Variants in SLC37A1 observed in about 807,000 individuals in gnomAD.
SLC37A1 encodes solute carrier family 37 member 1.
SLC37A1 carries 49 observed loss-of-function variants against 75.3 expected under a neutral mutation model. That is an observed-to-expected ratio of 0.65 (90% confidence interval 0.52 to 0.83). SLC37A1 has a LOEUF of 0.83. Ranked by LOEUF, SLC37A1 falls within the 40% of genes least tolerant of loss-of-function variation. SLC37A1 has a pLI of 0.00. For synonymous variants in SLC37A1, 268 were observed against 292.1 expected, an observed-to-expected ratio of 0.92 and a Z score of 0.84; for missense variants, 566 against 695.0, an observed-to-expected ratio of 0.81 and a Z score of 2.09.
intron 18 of SLC37A1, among the ~76,000 whole-genome samples, 171 bp from the exon 19 acceptor site, chr21:42,579,565 G>A (rs142980257): frequency 7.8e-3 from 171 of 21,866 alleles, no homozygotes; most frequent in Non-Finnish European, 0.016. Flanking sequence ...CCAGGCCTCC[G>A]GCTGAGCATG....
chr21:42,567,137 T>G (rs919326606), intron 16 of SLC37A1, 79 bp downstream of exon 16: 17 of 1,493,588 alleles, frequency 1.1e-5, no homozygotes, highest in Non-Finnish European at 1.5e-5. Flanking sequence ...CCTCCATTAC[T>G]GTTAGTAAAA....
At chr21:42,532,765 A>G (rs571923404) in intron 3 of SLC37A1, among the ~76,000 whole-genome samples, 5 of 152,252 alleles carry the variant, frequency 3.3e-5, no homozygotes, top group African/African-American at 1.2e-4. Flanking sequence ...TGGGGAGCAA[A>G]TGAAAGCACT....
rs145665370 is a variant in SLC37A1 at position 42,525,952 on chromosome 21, T to A, written c.138+95T>A. The stretch of plus-strand genomic sequence containing the variant: ...GAGGATGGGGATGGTAGCAGGTACA[T>A]GGGGAAACAGATTATGTAGAAACAA... On this transcript the variant is annotated intron_variant, in intron 3 of 19. Transcript: ENST00000352133. The A allele has an allele frequency of 1.7e-3, 1,437 of 845,916 alleles. 11 individuals carry two copies. The African/African-American group carries it at 0.017, about 10-fold the overall frequency. The allele number at this position is 845,916 out of a possible 1,614,324, so 52.4% of individuals were successfully genotyped here. A position where few individuals can be genotyped will look rare whatever the true frequency, so the allele number is the denominator to read the frequency against.
intron 2 of SLC37A1, among the ~76,000 whole-genome samples, chr21:42,506,483 A>C (rs1159919945): frequency 1.3e-5 from 2 of 152,234 alleles, no homozygotes; most frequent in Non-Finnish European, 2.9e-5. Context: ...ACTAATTCAC[A>C]GTTCCTAAAG....
intron 16 of SLC37A1, 89 bp from the exon 17 acceptor site, chr21:42,568,271 G>T: frequency 1.0e-6 from 1 of 998,406 alleles, no homozygotes; most frequent in South Asian, 1.4e-5. Context: ...TTGTTTTGCA[G>T]AGCAGTTTGA....
At chr21:42,539,899 A>G (rs228065) in intron 6 of SLC37A1, among the ~76,000 whole-genome samples, 152,330 of 152,330 alleles carry the variant, frequency 1, 76,165 homozygotes, top group Non-Finnish European at 1. Flanking sequence ...CCGGCAGGGA[A>G]ACTGACATGC....
intron 11 of SLC37A1, chr21:42,561,815 A>C: frequency 2.3e-6 from 1 of 437,032 alleles, no homozygotes; most frequent in Non-Finnish European, 4.1e-6. Context: ...GTGGCCGAGG[A>C]GCTGCAGCTG....
In SLC37A1 at chr21:42,545,035, G is replaced by A. The variant is rs76625269; in HGVS notation, c.730+1433G>A. Reference sequence around the variant, plus strand: ...CTCAATGGCCGGGACCTCAGCACCCGCTCCAGGCATTCACGGCCCTATGTT... The same window carrying A: ...CTCAATGGCCGGGACCTCAGCACCCACTCCAGGCATTCACGGCCCTATGTT... On this transcript the variant is annotated intron_variant, in intron 8 of 19. Coordinates refer to ENST00000352133, the MANE Select transcript of SLC37A1 (RefSeq NM_001320537.2). This position sits in a 1 kb window ranked among gnomAD's most constrained non-coding sequence, Gnocchi z 4.0. 0.015 allele frequency among the ~76,000 whole-genome samples: 2,360 copies of A among 152,282 alleles called. 58 individuals carry two copies. Among genetic ancestry groups the A allele is most frequent in the African/African-American group, 0.053 (2,213 of 41,552 alleles).
rs879093836 is a variant in SLC37A1 at position 42,564,757 on chromosome 21, C to T, written c.1185C>T (p.Ser395=). The part of the protein sequence containing the change: ...VISDRLEKRA[S]TCGLMLLLAA... ...CAGACCGACTGGAGAAAAGGGCCTCCACCTGCGGCCTGATGCTGCTGCTCG... is the reference window on the plus strand; with the variant it reads ...CAGACCGACTGGAGAAAAGGGCCTCTACCTGCGGCCTGATGCTGCTGCTCG... Residue 395 remains serine, a synonymous_variant, in exon 14 of 20, where the codon TCC becomes TCT. Transcript: ENST00000352133. The T allele has an allele frequency of 4.4e-6, 7 of 1,609,156 alleles. No individual in the cohort carries two copies. The South Asian group carries it at 5.5e-5, about 13-fold the overall frequency.
chr21:42,565,341 C>T (rs927306278), intron 14 of SLC37A1, among the ~76,000 whole-genome samples: 8 of 152,270 alleles, frequency 5.3e-5, no homozygotes, highest in African/African-American at 1.2e-4. Flanking sequence ...TAGCTCTGCG[C>T]GTCTGCCCCT....
chr21:42,531,714 A>C (rs1433617121), intron 3 of SLC37A1, among the ~76,000 whole-genome samples: 1 of 148,758 alleles, frequency 6.7e-6, no homozygotes, highest in African/African-American at 2.5e-5. Flanking sequence ...ATCTTAACCT[A>C]ATTAAGTTTG....
Position 42,579,037 on chromosome 21 carries a change from T to C in SLC37A1, c.1522-699T>C, listed in dbSNP as rs1220980123. On this transcript the variant is annotated intron_variant, in intron 18 of 19. Transcript: ENST00000352133. The stretch of plus-strand genomic sequence containing the variant: ...ATGTCCCACTTGGGGAGAGACTGGA[T>C]CCACACTGGAAAATGCACTAGTTAA... Among the ~76,000 whole-genome samples the C allele has an allele frequency of 3.3e-5, 5 of 152,330 alleles. No homozygotes were observed. The East Asian group carries it at 9.6e-4, about 29-fold the overall frequency.
chr21:42,510,607 G>A (rs1235691591), upstream of SLC37A1, among the ~76,000 whole-genome samples: 1 of 151,872 alleles, frequency 6.6e-6, no homozygotes, highest in East Asian at 1.9e-4. Context: ...AAAAAATCTA[G>A]GTGCTGCCTG....
intron 18 of SLC37A1, chr21:42,575,559 T>C (rs2056288695): frequency 1.0e-6 from 1 of 985,288 alleles, no homozygotes. Context: ...AGACCAGTGA[T>C]GATGTCACAG....
At chr21:42,580,053 G>GC (rs1226594062) in intron 19 of SLC37A1, among the ~76,000 whole-genome samples, 1 of 152,056 alleles carries the variant, frequency 6.6e-6, no homozygotes, top group African/African-American at 2.4e-5. Context: ...TGGAGCTGCA[G>GC]CCCCCCGAGC....
chr21:42,501,874 G>A (rs1214336159), intron 1 of SLC37A1, among the ~76,000 whole-genome samples: 1 of 152,154 alleles, frequency 6.6e-6, no homozygotes, highest in Non-Finnish European at 1.5e-5. Context: ...CAGTTGTGGT[G>A]GGAGATCCTG....
At chr21:42,542,625 A>C in intron 7 of SLC37A1, 145 bp downstream of exon 7, 3 of 784,966 alleles carry the variant, frequency 3.8e-6, no homozygotes, top group Non-Finnish European at 6.0e-6. Flanking sequence ...TGAATTGCTG[A>C]AATTCAGATG....
chr21:42,562,231 G>A lies in SLC37A1; in HGVS notation c.1072+63G>A, dbSNP rs1248380880. Reference sequence around the variant, plus strand: ...GTGACTGGGGTCCGAAGTCTCTTCTGTCTGCTGGTTTCTAGAGTATTGAAA... The same window carrying A: ...GTGACTGGGGTCCGAAGTCTCTTCTATCTGCTGGTTTCTAGAGTATTGAAA... On this transcript the variant is annotated intron_variant, in intron 12 of 19. Coordinates refer to ENST00000352133, the MANE Select transcript of SLC37A1 (RefSeq NM_001320537.2). The A allele has an allele frequency of 2.1e-6, 3 of 1,436,202 alleles. No individual in the cohort carries two copies. The African/African-American group carries it at 4.2e-5, about 20-fold the overall frequency. The allele number at this position is 1,436,202 out of a possible 1,614,324, so 89.0% of individuals were successfully genotyped here. A position where few individuals can be genotyped will look rare whatever the true frequency, so the allele number is the denominator to read the frequency against.
upstream of SLC37A1, among the ~76,000 whole-genome samples, chr21:42,512,076 C>A (rs1316502518): frequency 2.7e-5 from 4 of 146,022 alleles, no homozygotes; most frequent in African/African-American, 5.0e-5. Flanking sequence ...TTCTCACCAC[C>A]AAAAAAAAAA....
Sources: gnomAD v4.1 joint callset for allele counts (sites outside exome capture counted in the v4.1 genomes callset) on GRCh38, gnomAD v4.1.1 for gene constraint, Gnocchi (gnomAD v3.1) non-coding constraint, MANE v1.5 for transcripts, NCBI Gene and HGNC (gene_info 2026-07-23, HGNC 2026-07-21) for gene names.